CDKL3: variants seen among roughly 807,000 people sequenced by gnomAD.
The protein encoded by CDKL3 is cyclin-dependent kinase-like 3.
In CDKL3, 65 loss-of-function variants were observed where a neutral mutation model predicts 69.3. The ratio of observed to expected loss-of-function variants is 0.94; its 90% CI spans 0.77 to 1.15. CDKL3 has a LOEUF of 1.15. Among genes scored for constraint, CDKL3 ranks in the 50% most tolerant of loss-of-function variants. CDKL3 has a pLI of 0.00. For missense variants in CDKL3, 652 were observed against 689.2 expected (o/e 0.95, Z 0.61); for synonymous variants, 202 against 221.6 (o/e 0.91, Z 0.79).
chr5:134,344,697 G>A (rs1751378888), intron 4 of CDKL3, among the ~76,000 whole-genome samples: 1 of 152,176 alleles, frequency 6.6e-6, no homozygotes, highest in Admixed American at 6.5e-5. Flanking sequence ...GCTGAGGCGG[G>A]AGGATCACTT....
In CDKL3 at chr5:134,313,985, AT is replaced by A. The variant is rs560299559; in HGVS notation, c.793-1606del. ...AAACTCCGTCCCCACTAAAAAAAAAATAATACAAAATTAGCCGGGTGTGGTG... is the reference window on the plus strand; with the variant it reads ...AAACTCCGTCCCCACTAAAAAAAAAAAATACAAAATTAGCCGGGTGTGGTG... On this transcript the variant is annotated intron_variant, in intron 6 of 12. Coordinates refer to ENST00000265334, the MANE Select transcript of CDKL3 (RefSeq NM_001113575.2). Among the ~76,000 whole-genome samples, 508 of 152,122 alleles carry A rather than the reference AT, an allele frequency of 3.3e-3. 2 individuals carry two copies. Among genetic ancestry groups the A allele is most frequent in the African/African-American group, 0.012 (480 of 41,492 alleles).
chr5:134,287,895 C>CT (rs5871533), intron 8 of CDKL3, among the ~76,000 whole-genome samples: 122,037 of 138,130 alleles, frequency 0.88, 54,316 homozygotes, highest in African/African-American at 0.96. Flanking sequence ...TGTAACTTTA[C>CT]TTTTTTTTTT....
intron 2 of CDKL3, among the ~76,000 whole-genome samples, chr5:134,360,692 T>G (rs527409705): frequency 6.6e-6 from 1 of 152,226 alleles, no homozygotes; most frequent in Non-Finnish European, 1.5e-5. Flanking sequence ...TGTTGAAAGA[T>G]ATCCTGCTAT....
downstream of CDKL3, among the ~76,000 whole-genome samples, chr5:134,284,034 A>G (rs1376777676): frequency 6.6e-6 from 1 of 152,082 alleles, no homozygotes; most frequent in Admixed American, 6.5e-5. Flanking sequence ...GTGGGTTCCC[A>G]TGGTCATGGG....
intron 8 of CDKL3, among the ~76,000 whole-genome samples, chr5:134,287,220 G>A (rs1358488016): frequency 6.6e-6 from 1 of 152,132 alleles, no homozygotes; most frequent in Admixed American, 6.6e-5. Context: ...GGAAAAATAA[G>A]GATTTTTTAA....
chr5:134,369,513 G>A (rs565833633), upstream of CDKL3, among the ~76,000 whole-genome samples: 1 of 152,228 alleles, frequency 6.6e-6, no homozygotes, highest in East Asian at 1.9e-4. Context: ...CACTTTCCTT[G>A]TACCTCCCTT....
At chr5:134,334,087 T>C (rs1462676204) in intron 4 of CDKL3, among the ~76,000 whole-genome samples, 1 of 152,220 alleles carries the variant, frequency 6.6e-6, no homozygotes, top group Non-Finnish European at 1.5e-5. Context: ...CATTTTCTAA[T>C]TATTTGTGTG....
intron 8 of CDKL3, among the ~76,000 whole-genome samples, chr5:134,289,775 A>T (rs1765041849): frequency 6.6e-6 from 1 of 152,106 alleles, no homozygotes; most frequent in Non-Finnish European, 1.5e-5. Context: ...GATCATCCTC[A>T]CTCTCTTGAG....
intron 1 of CDKL3, 89 bp from the exon 2 acceptor site, chr5:134,366,633 C>T (rs560402216): frequency 1.3e-5 from 11 of 819,190 alleles, no homozygotes; most frequent in Middle Eastern, 2.6e-4. Flanking sequence ...CACAATAAAC[C>T]CACAGTCTCA....
chr5:134,346,129 C>T (rs749201582), intron 4 of CDKL3, among the ~76,000 whole-genome samples: 20 of 152,162 alleles, frequency 1.3e-4, no homozygotes, highest in Non-Finnish European at 2.6e-4. Context: ...ATAGAATGGT[C>T]ACTCTCTGAT....
At chr5:134,337,776 C>G (rs1777475622) in intron 4 of CDKL3, among the ~76,000 whole-genome samples, 1 of 152,194 alleles carries the variant, frequency 6.6e-6, no homozygotes, top group African/African-American at 2.4e-5. Flanking sequence ...CAAGCTTCAT[C>G]ATGAATTTGA....
At chr5:134,299,842 C>A in intron 12 of CDKL3, 1 of 801,194 alleles carries the variant, frequency 1.2e-6, no homozygotes, top group Non-Finnish European at 2.0e-6. Context: ...TGTACTTTGC[C>A]CCTATGGGTT....
At chr5:134,362,224 T>G (rs1756211395) in intron 2 of CDKL3, among the ~76,000 whole-genome samples, 1 of 152,188 alleles carries the variant, frequency 6.6e-6, no homozygotes, top group South Asian at 2.1e-4. Flanking sequence ...AATTCTAGCA[T>G]AAAAATTTAG....
intron 4 of CDKL3, among the ~76,000 whole-genome samples, chr5:134,326,117 T>G (rs1774139574): frequency 6.6e-6 from 1 of 152,102 alleles, no homozygotes; most frequent in African/African-American, 2.4e-5. Flanking sequence ...ATGCAATTTC[T>G]ATGCACCTCC....
chr5:134,365,821 A>G (rs1475190433), intron 2 of CDKL3, among the ~76,000 whole-genome samples: 1 of 151,772 alleles, frequency 6.6e-6, no homozygotes, highest in Non-Finnish European at 1.5e-5. Context: ...GTCTCTTTTG[A>G]GTTTATGTTG....
chr5:134,315,784 C>T (rs1039162399), intron 6 of CDKL3, among the ~76,000 whole-genome samples: 10 of 152,156 alleles, frequency 6.6e-5, no homozygotes, highest in African/African-American at 2.4e-4. Context: ...CTCAGGAGTT[C>T]AAGACTAGCC....
intron 4 of CDKL3, among the ~76,000 whole-genome samples, chr5:134,330,825 A>G (rs1331208670): frequency 1.3e-5 from 2 of 152,204 alleles, no homozygotes; most frequent in African/African-American, 4.8e-5. Context: ...AAATGCCTTG[A>G]GCATCCCAAA....
chr5:134,371,173 C>G (rs1758363304), upstream of CDKL3: 4 of 275,516 alleles, frequency 1.5e-5, no homozygotes, highest in Admixed American at 5.1e-5. Flanking sequence ...ATCTCTGGCC[C>G]GGATGCGTCC....
intron 4 of CDKL3, among the ~76,000 whole-genome samples, chr5:134,332,152 C>T (rs1775954736): frequency 6.6e-6 from 1 of 151,860 alleles, no homozygotes; most frequent in South Asian, 2.1e-4. Flanking sequence ...TTGTTTTTTT[C>T]TTGTAAATTT....
Sources: allele counts gnomAD v4.1 joint callset (sites outside exome capture counted in the v4.1 genomes callset), GRCh38; gene constraint gnomAD v4.1.1; transcripts MANE v1.5; gene names NCBI Gene and HGNC (gene_info 2026-07-23, HGNC 2026-07-21).